Variants in FBXL4 observed in about 807,000 individuals in gnomAD.
FBXL4 encodes the protein F-box/LRR-repeat protein 4.
FBXL4 carries 40 observed loss-of-function variants against 58.9 expected under a neutral mutation model. The ratio of observed to expected loss-of-function variants is 0.68; its 90% CI spans 0.53 to 0.88. The LOEUF is 0.88. FBXL4 is among the 40% of genes least tolerant of loss of function. The probability of loss-of-function intolerance (pLI) is 0.00; values close to 1 mark genes in which losing one functional copy is unlikely to be tolerated. For synonymous variants in FBXL4, 263 were observed against 265.5 expected (o/e 0.99, Z 0.09); for missense variants, 676 against 734.4 (o/e 0.92, Z 0.92).
chr6:98,928,550 G>A (rs1166830338), intron 2 of FBXL4, among the ~76,000 whole-genome samples: 2 of 152,108 alleles, frequency 1.3e-5, no homozygotes, highest in Admixed American at 6.6e-5. Flanking sequence ...GGCTGATCTC[G>A]AACTCCTGAC....
rs1770417697 is a variant in FBXL4 at position 98,868,722 on chromosome 6, C to T, written c.*5556G>A. On this transcript the variant is annotated 3_prime_UTR_variant, in exon 10 of 10. Coordinates refer to ENST00000369244, the MANE Select transcript of FBXL4 (RefSeq NM_001278716.2). ...ATTCTACTCTATTTATCTGATACGA[C>T]TATTTTGCTTTTAAATGTTTTCCTT... 1 of 152,250 alleles carries T rather than the reference C, an allele frequency of 6.6e-6. No individual in the cohort carries two copies. Among genetic ancestry groups the T allele is most frequent in the South Asian group, 2.1e-4 (1 of 4,824 alleles). 9.4% of individuals were successfully genotyped at this position (152,250 alleles called of 1,614,324 possible).
In FBXL4 at chr6:98,880,331, A is replaced by G. The variant is rs2281123; in HGVS notation, c.1389+222T>C. Among the ~76,000 whole-genome samples, 24,256 of 152,152 alleles carry G rather than the reference A, an allele frequency of 0.16. 2,326 individuals carry two copies. The highest frequency in any genetic ancestry group is 0.47 in the East Asian group (2,429 of 5,148). ...GCAGAACTATACTCTATTCCACCAC[A>G]CTATACTTCTTTCCTTGCTCTCATG... On this transcript the variant is annotated intron_variant, in intron 8 of 9. Transcript: ENST00000369244.
At chr6:98,891,722 CAAAAAAAAAA>C (rs34788813) in intron 7 of FBXL4, among the ~76,000 whole-genome samples, 1 of 108,370 alleles carries the variant, frequency 9.2e-6, no homozygotes, top group Non-Finnish European at 2.1e-5. Context: ...CTATCTCTAC[CAAAAAAAAAA>C]AAAAAAAAAA....
intron 1 of FBXL4, among the ~76,000 whole-genome samples, chr6:98,944,980 G>C (rs1562255880): frequency 6.6e-6 from 1 of 152,148 alleles, no homozygotes; most frequent in Non-Finnish European, 1.5e-5. Flanking sequence ...GAAACTGTTA[G>C]CTTGCAAGTA....
rs1770550497 is a variant in FBXL4 at position 98,873,485 on chromosome 6, GT to G, written c.*792del. On this transcript the variant is annotated 3_prime_UTR_variant, in exon 10 of 10. Coordinates refer to ENST00000369244, the MANE Select transcript of FBXL4 (RefSeq NM_001278716.2). ...GTTGGAAAGCTTTTTTTATTTAGTA[GT>G]TTACCTCTTATTCTTGATTATACCC... 2.6e-5 allele frequency: 4 copies of G among 151,502 alleles called. No homozygotes were observed. The highest frequency in any genetic ancestry group is 4.2e-4 in the South Asian group (2 of 4,810). The allele number at this position is 151,502 out of a possible 1,614,324, so 9.4% of individuals were successfully genotyped here.
chr6:98,899,450 G>A lies in FBXL4; in HGVS notation c.1135C>T (p.Arg379Cys), dbSNP rs778692687. ...FLKVCGSELVRLELSCSHFLN... is the reference protein window; with the variant it reads ...FLKVCGSELVCLELSCSHFLN... ...AAGTGGCTGCAAGACAATTCAAGGC[G>A]TACTAATTCGGATCCACAAACCTTC... The change falls in exon 7 of 10, where the codon CGC (arginine) becomes TGC (cysteine). Residue 379 changes from arginine to cysteine, a missense_variant. By Grantham distance (180) the Arg-to-Cys change is radical. Transcript: ENST00000369244. 67 of 1,613,420 alleles carry A rather than the reference G, an allele frequency of 4.2e-5. 1 individual carries two copies. The highest frequency in any genetic ancestry group is 1.3e-4 in the East Asian group (6 of 44,874).
At chr6:98,878,249 C>G (rs1770724371) in intron 8 of FBXL4, among the ~76,000 whole-genome samples, 1 of 152,016 alleles carries the variant, frequency 6.6e-6, no homozygotes, top group African/African-American at 2.4e-5. Context: ...TATTGACAGT[C>G]AACAATAAAA....
chr6:98,906,624 A>G (rs777833199), intron 5 of FBXL4, among the ~76,000 whole-genome samples: 26 of 152,214 alleles, frequency 1.7e-4, no homozygotes, highest in Non-Finnish European at 3.7e-4. Flanking sequence ...TAGTGCCACA[A>G]TAAACATACA....
At chr6:98,902,962 T>C (rs924794995) in intron 6 of FBXL4, among the ~76,000 whole-genome samples, 1 of 152,132 alleles carries the variant, frequency 6.6e-6, no homozygotes, top group Non-Finnish European at 1.5e-5. Context: ...ATTTCTCCAC[T>C]ATTCTGAATA....
chr6:98,891,892 T>G (rs1771242180), intron 7 of FBXL4, among the ~76,000 whole-genome samples: 1 of 152,130 alleles, frequency 6.6e-6, no homozygotes, highest in South Asian at 2.1e-4. Context: ...GGCTTATTGG[T>G]CACTGTCATG....
intron 1 of FBXL4, among the ~76,000 whole-genome samples, chr6:98,946,162 G>C (rs931753376): frequency 2.0e-5 from 3 of 152,100 alleles, no homozygotes; most frequent in African/African-American, 7.2e-5. Flanking sequence ...CAGAAGCCAG[G>C]ATCACCACAG....
chr6:98,912,406 A>G (rs929995580), intron 5 of FBXL4, among the ~76,000 whole-genome samples: 1 of 152,196 alleles, frequency 6.6e-6, no homozygotes, highest in Non-Finnish European at 1.5e-5. Flanking sequence ...GAAGGAAAAA[A>G]TGTTAAGGGC....
chr6:98,936,292 G>C (rs1306476118), intron 1 of FBXL4, among the ~76,000 whole-genome samples: 1 of 152,132 alleles, frequency 6.6e-6, no homozygotes, highest in South Asian at 2.1e-4. Flanking sequence ...TAGCCTAAAA[G>C]GATCCCTGGT....
At position 98,875,516 on chromosome 6, in the gene FBXL4, T is replaced by C; in HGVS notation, c.1601A>G (p.Asn534Ser). The part of the protein sequence containing the change: ...CFTRLAHQLP[N>S]LQKLFLTANR... ...AGCTGTAAGAAAGAGTTTTTGCAAG[T>C]TTGGGAGCTGGTGTGCCAGTCTGGT... Residue 534 changes from asparagine (N) to serine (S), a missense_variant, in exon 9 of 10, where the codon AAC (asparagine) becomes AGC (serine). By Grantham distance (46) the Asn-to-Ser change is conservative (BLOSUM62 1). Coordinates refer to ENST00000369244, the MANE Select transcript of FBXL4 (RefSeq NM_001278716.2). The C allele has an allele frequency of 6.2e-7, 1 of 1,614,138 alleles. No individual in the cohort carries two copies. Among genetic ancestry groups the C allele is most frequent in the South Asian group, 1.1e-5 (1 of 91,086 alleles).
intron 2 of FBXL4, among the ~76,000 whole-genome samples, chr6:98,929,925 G>A (rs937589268): frequency 3.3e-5 from 5 of 152,208 alleles, no homozygotes; most frequent in African/African-American, 9.7e-5. Context: ...TGCATAGAGT[G>A]TGGGCCTAAA....
chr6:98,905,548 T>C lies in FBXL4; in HGVS notation c.981A>G (p.Pro327=). 1.2e-6 allele frequency: 2 copies of C among 1,614,028 alleles called. No homozygotes were observed. Among genetic ancestry groups the C allele is most frequent in the Non-Finnish European group, 1.7e-6 (2 of 1,179,944 alleles). ...AAGTGTCATCTAGTTTTGCCCAGTA[T>C]GGTTGCAGATTGAGGTGGATGTATT... ...PLQYIHLNLQ[P]YWAKLDDTSL... is the part of the protein sequence containing the mutation. Residue 327 remains proline, a synonymous_variant, in exon 6 of 10, where the codon CCA becomes CCG. Transcript: ENST00000369244.
At chr6:98,918,355 C>T (rs2128401313) in intron 4 of FBXL4, among the ~76,000 whole-genome samples, 1 of 152,188 alleles carries the variant, frequency 6.6e-6, no homozygotes, top group Non-Finnish European at 1.5e-5. Flanking sequence ...CCTATTCCTC[C>T]AAATGAACTC....
intron 7 of FBXL4, among the ~76,000 whole-genome samples, chr6:98,883,029 G>A (rs1770908032): frequency 6.6e-6 from 1 of 151,980 alleles, no homozygotes; most frequent in Non-Finnish European, 1.5e-5. Flanking sequence ...GCTCTTCTGA[G>A]TGCTTAAATT....
At chr6:98,889,728 T>C (rs1771161249) in intron 7 of FBXL4, among the ~76,000 whole-genome samples, 1 of 151,386 alleles carries the variant, frequency 6.6e-6, no homozygotes, top group South Asian at 2.1e-4. Flanking sequence ...ACAGTTTTAG[T>C]TAGTGAAATG....
Sources: gnomAD v4.1 joint callset for allele counts (sites outside exome capture counted in the v4.1 genomes callset) on GRCh38, gnomAD v4.1.1 for gene constraint, MANE v1.5 for transcripts, NCBI Gene and HGNC (gene_info 2026-07-23, HGNC 2026-07-21) for gene names.